COL6A5: variants seen among roughly 807,000 people sequenced by gnomAD.
The protein encoded by COL6A5 is collagen type VI alpha 5 chain, also known as collagen alpha-5(VI) chain.
Under a neutral mutation model 65.6 loss-of-function variants are expected in COL6A5, and 48 were observed. The ratio of observed to expected loss-of-function variants is 0.73; its 90% CI spans 0.58 to 0.93. COL6A5 has a LOEUF of 0.93. Among genes scored for constraint, COL6A5 ranks in the 40% least tolerant of loss-of-function variants. The pLI, the probability that COL6A5 is intolerant of heterozygous loss-of-function variation, is 0.00. For missense variants in COL6A5, 914 were observed against 928.3 expected, an observed-to-expected ratio of 0.98 and a Z score of 0.20; for synonymous variants, 291 against 322.8, an observed-to-expected ratio of 0.90 and a Z score of 1.05.
At chr3:130,385,724 T>A (rs1936163971) in intron 5 of COL6A5, among the ~76,000 whole-genome samples, 1 of 151,998 alleles carries the variant, frequency 6.6e-6, no homozygotes, top group African/African-American at 2.4e-5. Flanking sequence ...AAGTACAGTG[T>A]TTGTGTGTGC....
intron 7 of COL6A5, among the ~76,000 whole-genome samples, chr3:130,475,007 CAAAAAAAAA>C (rs57263258): frequency 3.1e-5 from 2 of 65,048 alleles, no homozygotes; most frequent in East Asian, 5.4e-4. Context: ...ACCATGTCTC[CAAAAAAAAA>C]AAAAAAAAAA....
chr3:130,453,692 G>A (rs1709501565), intron 4 of COL6A5, among the ~76,000 whole-genome samples: 1 of 152,022 alleles, frequency 6.6e-6, no homozygotes, highest in South Asian at 2.1e-4. Flanking sequence ...TCTTTTCTGT[G>A]TGCTTCTTCG....
At chr3:130,391,914 G>T (rs545450058) in intron 7 of COL6A5, among the ~76,000 whole-genome samples, 160 bp downstream of exon 7, 70 of 152,266 alleles carry the variant, frequency 4.6e-4, no homozygotes, top group African/African-American at 1.4e-3. Context: ...TGGGTTGATT[G>T]AACAAGATCC....
intron 1 of COL6A5, among the ~76,000 whole-genome samples, chr3:130,362,190 C>T (rs1281575687): frequency 4.0e-5 from 6 of 148,856 alleles, no homozygotes; most frequent in Non-Finnish European, 8.9e-5. Flanking sequence ...TATGGTTTTG[C>T]ATTTTGCATT....
chr3:130,431,271 T>C, upstream of COL6A5: 1 of 709,154 alleles, frequency 1.4e-6, no homozygotes, highest in Non-Finnish European at 2.5e-6. Flanking sequence ...ATTCATGCTC[T>C]GCATTTATGT....
At chr3:130,484,339 C>T (rs1710322756) in exon 8 of COL6A5, 2 of 457,280 alleles carry the variant, frequency 4.4e-6, no homozygotes, top group Non-Finnish European at 7.6e-6. Context: ...GAAAGCTCTG[C>T]ACAGTTCAGG....
intron 1 of COL6A5, among the ~76,000 whole-genome samples, chr3:130,435,045 T>C (rs549755049): frequency 9.2e-5 from 14 of 152,290 alleles, no homozygotes; most frequent in Non-Finnish European, 2.1e-4. Flanking sequence ...ATTGCATAGG[T>C]TTTCTTCTAG....
chr3:130,475,768 T>C (rs1710077026), intron 7 of COL6A5, among the ~76,000 whole-genome samples: 1 of 152,054 alleles, frequency 6.6e-6, no homozygotes, highest in Non-Finnish European at 1.5e-5. Flanking sequence ...TAAGAGAAAG[T>C]GGTGAGCACC....
At chr3:130,468,799 T>C in exon 6 of COL6A5, 1 of 1,605,004 alleles carries the variant, frequency 6.2e-7, no homozygotes, top group South Asian at 1.1e-5. Flanking sequence ...TTGCAGGACA[T>C]GAAAATTATG....
intron 24 of COL6A5, among the ~76,000 whole-genome samples, chr3:130,418,362 G>A (rs974364398): frequency 6.6e-6 from 1 of 151,880 alleles, no homozygotes; most frequent in African/African-American, 2.4e-5. Context: ...TCATCCTTCA[G>A]TCCTCAGCTT....
intron 7 of COL6A5, among the ~76,000 whole-genome samples, chr3:130,474,783 A>G (rs944179547): frequency 1.1e-4 from 17 of 151,924 alleles, no homozygotes; most frequent in African/African-American, 4.1e-4. Flanking sequence ...TGAGGTGGGC[A>G]GATCACTTGA....
At chr3:130,376,820 C>T (rs769473553) in exon 3 of COL6A5, 36 of 1,611,688 alleles carry the variant, frequency 2.2e-5, no homozygotes, top group South Asian at 5.5e-5. Context: ...AGGGAGCCGT[C>T]GATGCTGATA....
chr3:130,440,877 A>G lies in COL6A5; in HGVS notation c.1241+52A>G, dbSNP rs968022115. ...TTTTTTTAATAAGCTAGTGTTTGTT[A>G]ATACAGTATTGATAACCTATTTTTG... On this transcript the variant is annotated intron_variant, in intron 3 of 7. Coordinates refer to ENST00000512836, the Ensembl canonical transcript of COL6A5. The G allele has an allele frequency of 9.7e-6, 13 of 1,337,100 alleles. No individual in the cohort carries two copies. In the East Asian group the frequency reaches 2.6e-4, roughly 27 times the overall value. The allele number at this position is 1,337,100 out of a possible 1,614,324, so 82.8% of individuals were successfully genotyped here.
chr3:130,400,754 TA>T (rs1936786628), intron 10 of COL6A5, among the ~76,000 whole-genome samples: 1 of 152,252 alleles, frequency 6.6e-6, no homozygotes, highest in Non-Finnish European at 1.5e-5. Context: ...AGTTTTCTAT[TA>T]GTGTTTTTCT....
exon 8 of COL6A5, chr3:130,395,269 A>G (rs544263563): frequency 6.4e-7 from 1 of 1,551,678 alleles, no homozygotes; most frequent in South Asian, 1.2e-5. Context: ...ATGATGTGGC[A>G]GATGCAGTAA....
intron 3 of COL6A5, 140 bp downstream of exon 3, chr3:130,376,976 C>G (rs1012715883): frequency 5.3e-6 from 5 of 939,918 alleles, no homozygotes; most frequent in Non-Finnish European, 7.5e-6. Context: ...CATACCTACT[C>G]GCTTCTGCCT....
intron 4 of COL6A5, among the ~76,000 whole-genome samples, chr3:130,454,904 G>T (rs1709531632): frequency 6.6e-6 from 1 of 152,130 alleles, no homozygotes; most frequent in Non-Finnish European, 1.5e-5. Context: ...AGTTTGGGAG[G>T]CTGAGGAGGG....
At chr3:130,392,521 T>C (rs1291705805) in intron 7 of COL6A5, among the ~76,000 whole-genome samples, 1 of 152,168 alleles carries the variant, frequency 6.6e-6, no homozygotes, top group African/African-American at 2.4e-5. Flanking sequence ...TGGTTTGTTA[T>C]TGGCCCAGTC....
At chr3:130,466,010 A>T (rs907459329) in intron 5 of COL6A5, among the ~76,000 whole-genome samples, 2 of 152,060 alleles carry the variant, frequency 1.3e-5, no homozygotes, top group African/African-American at 4.8e-5. Context: ...AATACAAAGA[A>T]AAAAAGATAT....
Sources: gnomAD v4.1 joint callset for allele counts (sites outside exome capture counted in the v4.1 genomes callset) on GRCh38, gnomAD v4.1.1 for gene constraint, MANE v1.5 for transcripts, NCBI Gene and HGNC (gene_info 2026-07-23, HGNC 2026-07-21) for gene names.